Variants in ATG3 observed in about 807,000 individuals in gnomAD.
ATG3 encodes the protein autophagy related 3, also known as ubiquitin-like-conjugating enzyme ATG3.
In ATG3, 25 loss-of-function variants were observed where a neutral mutation model predicts 50.7. The ratio of observed to expected loss-of-function variants is 0.49; its 90% CI spans 0.36 to 0.69. The LOEUF (loss-of-function observed/expected upper bound fraction) is 0.69. Ranked by LOEUF, ATG3 falls within the 30% of genes least tolerant of loss-of-function variation. The pLI, the probability that ATG3 is intolerant of heterozygous loss-of-function variation, is 0.00. For synonymous variants in ATG3, 119 were observed against 125.5 expected (o/e 0.95, Z 0.34); for missense variants, 281 against 376.0 (o/e 0.75, Z 2.09).
At chr3:112,556,269 C>A (rs1351321897) in intron 2 of ATG3, among the ~76,000 whole-genome samples, 2 of 152,262 alleles carry the variant, frequency 1.3e-5, no homozygotes, top group African/African-American at 4.8e-5. Flanking sequence ...AAATTACCGT[C>A]CCGTCCGGGA....
In ATG3 at chr3:112,561,484, C is replaced by T. The variant is rs754383110; in HGVS notation, c.45G>A (p.Val15=). The change falls in exon 1 of 12, where the codon GTG becomes GTA. Residue 15 remains valine (V), a synonymous_variant. Coordinates refer to ENST00000283290, the MANE Select transcript of ATG3 (RefSeq NM_022488.5). ...INTVKGKALE[V]AEYLTPVLKE... ...TGAGGACCGGGGTCAGGTACTCAGC[C>T]ACTTCCAGTGCCTTTCCCTTCACAG... 1.2e-6 allele frequency: 2 copies of T among 1,613,348 alleles called. No homozygotes were observed. The highest frequency in any genetic ancestry group is 2.2e-5 in the East Asian group (1 of 44,882).
In ATG3 at chr3:112,550,033, T is replaced by C. The variant is rs538528433; in HGVS notation, c.235+159A>G. Reference sequence around the variant, plus strand: ...AAGTCTAACTTTCCTTAGGGCCCTCTTCCTTCGTATCTTGACAACTATATG... The same window carrying C: ...AAGTCTAACTTTCCTTAGGGCCCTCCTCCTTCGTATCTTGACAACTATATG... On this transcript the variant is annotated intron_variant, in intron 4 of 11. Coordinates refer to ENST00000283290, the MANE Select transcript of ATG3 (RefSeq NM_022488.5). Among the ~76,000 whole-genome samples, 3 of 152,092 alleles carry C rather than the reference T, an allele frequency of 2.0e-5. No individual in the cohort carries two copies. The East Asian group carries it at 5.8e-4, about 29-fold the overall frequency.
rs146342049 is a variant in ATG3 at position 112,532,557 on chromosome 3, A to G, written c.*142T>C. ...AAACAAGTAAGGCTGGTAGTGGAACATATTTTTATTTAATGCATAAACATA... is the reference window on the plus strand; with the variant it reads ...AAACAAGTAAGGCTGGTAGTGGAACGTATTTTTATTTAATGCATAAACATA... On this transcript the variant is annotated 3_prime_UTR_variant, in exon 12 of 12. Coordinates refer to ENST00000283290, the MANE Select transcript of ATG3 (RefSeq NM_022488.5). 176 of 510,784 alleles carry G rather than the reference A, an allele frequency of 3.4e-4. 2 individuals carry two copies. The East Asian group carries it at 4.8e-3, about 14-fold the overall frequency. 31.6% of individuals were successfully genotyped at this position (510,784 alleles called of 1,614,324 possible).
intron 7 of ATG3, among the ~76,000 whole-genome samples, chr3:112,541,031 C>A (rs562844265): frequency 6.6e-6 from 1 of 152,306 alleles, no homozygotes; most frequent in African/African-American, 2.4e-5. Flanking sequence ...TGATTCTCAA[C>A]TGGCAACTCT....
intron 2 of ATG3, among the ~76,000 whole-genome samples, chr3:112,553,883 A>G (rs932588846): frequency 6.6e-6 from 1 of 152,196 alleles, no homozygotes; most frequent in Non-Finnish European, 1.5e-5. Context: ...CTAAAAGAGA[A>G]ATGCAGTGCC....
chr3:112,546,187 A>G (rs1933363518), intron 5 of ATG3, among the ~76,000 whole-genome samples: 1 of 152,132 alleles, frequency 6.6e-6, no homozygotes, highest in African/African-American at 2.4e-5. Flanking sequence ...AAAAAAACCT[A>G]TCTACCTATA....
At position 112,536,361 on chromosome 3, in the gene ATG3, T is replaced by C. The variant is rs973296569; in HGVS notation, c.794+114A>G. The C allele has an allele frequency of 8.2e-6, 11 of 1,339,502 alleles. No homozygotes were observed. The African/African-American group carries it at 1.5e-4, about 18-fold the overall frequency. The allele number at this position is 1,339,502 out of a possible 1,614,324, so 83.0% of individuals were successfully genotyped here. A position where few individuals can be genotyped will look rare whatever the true frequency, so the allele number is the denominator to read the frequency against. ...AAGGAGGACAAGAGAGAATTTTACT[T>C]TTTAGTAAGAAAATTTTTTTCTGTT... On this transcript the variant is annotated intron_variant, in intron 10 of 11. Coordinates refer to ENST00000283290, the MANE Select transcript of ATG3 (RefSeq NM_022488.5).
At chr3:112,544,019 A>G in intron 6 of ATG3, 38 bp downstream of exon 6, 1 of 1,445,496 alleles carries the variant, frequency 6.9e-7, no homozygotes, top group Non-Finnish European at 9.7e-7. Flanking sequence ...GCAAATAACT[A>G]CTCATTAAAT....
intron 2 of ATG3, among the ~76,000 whole-genome samples, chr3:112,557,557 G>A (rs957349748): frequency 6.6e-6 from 1 of 152,156 alleles, no homozygotes; most frequent in Non-Finnish European, 1.5e-5. Context: ...GGCAGAGGCT[G>A]CAGTGAGCCA....
At chr3:112,533,769 A>C (rs2082572586) in intron 11 of ATG3, 1 of 985,250 alleles carries the variant, frequency 1.0e-6, no homozygotes, top group Non-Finnish European at 1.2e-6. Flanking sequence ...GAGTAGGAAA[A>C]CTATAGTAAG....
At position 112,537,908 on chromosome 3, in the gene ATG3, GAAA is replaced by G. The variant is rs781260734; in HGVS notation, c.511-21_511-19del. 3.8e-6 allele frequency: 6 copies of G among 1,575,618 alleles called. No individual in the cohort carries two copies. The highest frequency in any genetic ancestry group is 1.9e-5 in the Admixed American group (1 of 51,854). On this transcript the variant is annotated intron_variant, in intron 8 of 11. Coordinates refer to ENST00000283290, the MANE Select transcript of ATG3 (RefSeq NM_022488.5). ...AGGGTAGCCTGAAAATAATAAAAGA[GAAA>G]AATTTACAACCATTAAATCGGTATG...
At chr3:112,539,169 C>G (rs1032222732) in intron 7 of ATG3, among the ~76,000 whole-genome samples, 2 of 152,168 alleles carry the variant, frequency 1.3e-5, no homozygotes, top group African/African-American at 4.8e-5. Flanking sequence ...CCCTTTCTCC[C>G]TTCAGTCTAT....
rs1933749471 is a variant in ATG3, at chr3:112,558,512, C to T, written c.73-95G>A. 5.4e-6 allele frequency: 5 copies of T among 928,584 alleles called. No homozygotes were observed. The African/African-American group carries it at 8.3e-5, about 15-fold the overall frequency. 57.5% of individuals were successfully genotyped at this position (928,584 alleles called of 1,614,324 possible). ...ATTATTTGCCTGGTGCCCTTCTAGG[C>T]AATAGAGCACATACAAAAAAAAATT... On this transcript the variant is annotated intron_variant, in intron 1 of 11. Coordinates refer to ENST00000283290, the MANE Select transcript of ATG3 (RefSeq NM_022488.5).
chr3:112,558,604 T>C (rs553036967), intron 1 of ATG3, among the ~76,000 whole-genome samples, 187 bp from the exon 2 acceptor site: 1 of 152,200 alleles, frequency 6.6e-6, no homozygotes, highest in Non-Finnish European at 1.5e-5. Flanking sequence ...TATCTATCTA[T>C]ATCTATCTAT....
intron 6 of ATG3, 110 bp downstream of exon 6, chr3:112,543,947 A>G (rs1366019839): frequency 1.6e-5 from 12 of 758,286 alleles, no homozygotes; most frequent in Non-Finnish European, 2.4e-5. Context: ...ATAATAAAAA[A>G]CCAGGGTTTT....
intron 1 of ATG3, 109 bp from the exon 2 acceptor site, chr3:112,558,526 C>CA (rs940707492): frequency 3.8e-4 from 308 of 811,478 alleles, no homozygotes; most frequent in African/African-American, 1.7e-3. Flanking sequence ...AGAGCACATA[C>CA]AAAAAAAAAT....
At chr3:112,549,831 C>G (rs988671652) in intron 4 of ATG3, among the ~76,000 whole-genome samples, 5 of 146,042 alleles carry the variant, frequency 3.4e-5, no homozygotes, top group African/African-American at 1.2e-4. Context: ...CTACCTGTTT[C>G]AAAATATTTT....
chr3:112,560,299 G>A (rs370157393), intron 1 of ATG3, among the ~76,000 whole-genome samples: 3 of 152,162 alleles, frequency 2.0e-5, no homozygotes, highest in Admixed American at 2.0e-4. Context: ...TCCAATCTTA[G>A]TTTGACTGAA....
intron 7 of ATG3, among the ~76,000 whole-genome samples, chr3:112,541,358 G>C (rs2107373267): frequency 6.6e-6 from 1 of 151,670 alleles, no homozygotes; most frequent in South Asian, 2.1e-4. Flanking sequence ...CTGCACTCCA[G>C]CCTGGCGAGA....
Sources: gnomAD v4.1 joint callset for allele counts (sites outside exome capture counted in the v4.1 genomes callset) on GRCh38, gnomAD v4.1.1 for gene constraint, MANE v1.5 for transcripts, NCBI Gene and HGNC (gene_info 2026-07-23, HGNC 2026-07-21) for gene names.